DCHS2: variants seen among roughly 807,000 people sequenced by gnomAD.
DCHS2 encodes the protein protocadherin-23.
DCHS2 carries 142 observed loss-of-function variants against 182.4 expected under a neutral mutation model. The observed-to-expected ratio is 0.78, with a 90% CI of 0.68 to 0.89. The LOEUF is 0.89. Ranked by LOEUF, DCHS2 falls within the 40% of genes least tolerant of loss-of-function variation. The pLI is 0.00. For missense variants in DCHS2, 4,319 were observed against 4,198.6 expected (o/e 1.03, Z -0.79); for synonymous variants, 1,740 against 1,663.3 (o/e 1.05, Z -1.12).
At chr4:154,478,457 C>T (rs1419684109) in intron 1 of DCHS2, among the ~76,000 whole-genome samples, 1 of 152,070 alleles carries the variant, frequency 6.6e-6, no homozygotes, top group Non-Finnish European at 1.5e-5. Context: ...GAAGAATGGA[C>T]CTATATGGAG....
At chr4:154,313,717 T>G (rs1561034111) in intron 10 of DCHS2, among the ~76,000 whole-genome samples, 1 of 152,194 alleles carries the variant, frequency 6.6e-6, no homozygotes. Flanking sequence ...AACCACCTAC[T>G]TAACAGACCT....
At chr4:154,418,916 T>C (rs1246142794) in intron 1 of DCHS2, among the ~76,000 whole-genome samples, 1 of 152,226 alleles carries the variant, frequency 6.6e-6, no homozygotes, top group Non-Finnish European at 1.5e-5. Context: ...AATAAAGCTG[T>C]ATGCATAGAA....
chr4:154,259,532 A>T lies in DCHS2; in HGVS notation c.6789+13T>A. On this transcript the variant is annotated intron_variant, in intron 15 of 19. Coordinates refer to ENST00000357232, the MANE Select transcript of DCHS2 (RefSeq NM_001358235.2). ...CACACACACACACACACACACAAAT[A>T]TATTTCTGTTACCTGTATGACATGA... 6.2e-7 allele frequency: 1 copy of T among 1,612,772 alleles called. No individual in the cohort carries two copies. Among genetic ancestry groups the T allele is most frequent in the Non-Finnish European group, 8.5e-7 (1 of 1,179,724 alleles).
At chr4:154,453,259 C>T (rs1236685329) in intron 1 of DCHS2, among the ~76,000 whole-genome samples, 4 of 147,214 alleles carry the variant, frequency 2.7e-5, no homozygotes, top group Non-Finnish European at 4.4e-5. Context: ...CATAGTAATG[C>T]GACACTGCTG....
At chr4:154,330,426 C>G (rs182449385) in intron 5 of DCHS2, among the ~76,000 whole-genome samples, 30 of 152,196 alleles carry the variant, frequency 2.0e-4, no homozygotes, top group Admixed American at 1.8e-3. Context: ...GCTATACTAC[C>G]TTCAGTAACT....
intron 13 of DCHS2, among the ~76,000 whole-genome samples, chr4:154,293,159 A>G (rs6812671): frequency 3.3e-5 from 5 of 151,834 alleles, no homozygotes; most frequent in African/African-American, 9.7e-5. Context: ...TTCAACGATT[A>G]CCATTTAACT....
At chr4:154,378,321 G>A (rs1419033574) in intron 1 of DCHS2, among the ~76,000 whole-genome samples, 1 of 151,922 alleles carries the variant, frequency 6.6e-6, no homozygotes, top group Non-Finnish European at 1.5e-5. Flanking sequence ...CAAGCTCATA[G>A]GCTCATGATA....
Position 154,490,069 on chromosome 4 carries a change from G to A in DCHS2, c.1287C>T (p.Gly429=). 1 of 1,549,246 alleles carries A rather than the reference G, an allele frequency of 6.5e-7. No homozygotes were observed. Among genetic ancestry groups the A allele is most frequent in the African/African-American group, 1.4e-5 (1 of 73,092 alleles). The change falls in exon 1 of 20, where the codon GGC becomes GGT. Residue 429 remains glycine (G), a synonymous_variant. Coordinates refer to ENST00000357232, the MANE Select transcript of DCHS2 (RefSeq NM_001358235.2). ...TEGGVARVSE[G]ARPGDYVARV... is the part of the protein sequence containing the mutation. ...GAGCCACGTAGTCGCCCGGTCGGGC[G>A]CCTTCAGAGACACGGGCGACGCCTC...
At chr4:154,283,105 T>G (rs1578908748) in intron 13 of DCHS2, among the ~76,000 whole-genome samples, 1 of 152,176 alleles carries the variant, frequency 6.6e-6, no homozygotes. Flanking sequence ...TGTAACAATG[T>G]GCACACAGTT....
chr4:154,460,844 G>A (rs974230758), intron 1 of DCHS2, among the ~76,000 whole-genome samples: 4 of 152,004 alleles, frequency 2.6e-5, no homozygotes, highest in African/African-American at 9.7e-5. Flanking sequence ...TATATTATTT[G>A]GTTAAAACAA....
chr4:154,368,321 C>T (rs894772633), intron 2 of DCHS2, among the ~76,000 whole-genome samples: 1 of 152,114 alleles, frequency 6.6e-6, no homozygotes, highest in African/African-American at 2.4e-5. Context: ...CTTTCCCCTT[C>T]CTCTTTCTTT....
intron 3 of DCHS2, among the ~76,000 whole-genome samples, chr4:154,335,514 C>T (rs1728757037): frequency 2.6e-5 from 4 of 152,176 alleles, no homozygotes; most frequent in South Asian, 2.1e-4. Context: ...TCAAACTATA[C>T]GACTGGCTCT....
chr4:154,451,309 T>C (rs753354767), intron 1 of DCHS2, among the ~76,000 whole-genome samples: 5 of 152,202 alleles, frequency 3.3e-5, no homozygotes, highest in Admixed American at 6.5e-5. Context: ...TTTTGAGAAA[T>C]AGCCTTTGGC....
At position 154,308,834 on chromosome 4, in the gene DCHS2, G is replaced by A. The variant is rs551395785; in HGVS notation, c.5261-3603C>T. Among the ~76,000 whole-genome samples, 4 of 152,222 alleles carry A rather than the reference G, an allele frequency of 2.6e-5. No individual in the cohort carries two copies. The South Asian group carries it at 6.2e-4, about 24-fold the overall frequency. ...CTCATGGTGCTTACAATATAGCACC[G>A]GATACAGATAAGCAAGCTCGCAGTG... On this transcript the variant is annotated intron_variant, in intron 10 of 19. Transcript: ENST00000357232.
At chr4:154,391,402 C>A in intron 1 of DCHS2, 10 of 1,414,412 alleles carry the variant, frequency 7.1e-6, no homozygotes, top group Non-Finnish European at 9.3e-6. Flanking sequence ...CCATGACTTT[C>A]CACTTGCAGC....
At chr4:154,435,489 G>A (rs1166079868) in intron 1 of DCHS2, among the ~76,000 whole-genome samples, 1 of 151,862 alleles carries the variant, frequency 6.6e-6, no homozygotes, top group East Asian at 1.9e-4. Context: ...CCAGCTACTC[G>A]GGAGGCTGAG....
intron 1 of DCHS2, among the ~76,000 whole-genome samples, chr4:154,439,124 A>C (rs375354361): frequency 4.7e-4 from 72 of 152,332 alleles, no homozygotes; most frequent in African/African-American, 1.7e-3. Flanking sequence ...TTGACAATAC[A>C]TTTAATACAT....
intron 1 of DCHS2, among the ~76,000 whole-genome samples, chr4:154,432,715 C>G (rs533691783): frequency 6.6e-6 from 1 of 152,218 alleles, no homozygotes; most frequent in East Asian, 1.9e-4. Flanking sequence ...AGATCCAGTC[C>G]TAACCCTTCT....
chr4:154,362,694 C>T (rs1391592679), intron 3 of DCHS2, among the ~76,000 whole-genome samples: 5 of 152,106 alleles, frequency 3.3e-5, no homozygotes, highest in Non-Finnish European at 4.4e-5. Context: ...CCCTTTCCTC[C>T]GTCTCTACCA....
Sources: allele counts gnomAD v4.1 joint callset (sites outside exome capture counted in the v4.1 genomes callset), GRCh38; gene constraint gnomAD v4.1.1; transcripts MANE v1.5; gene names NCBI Gene and HGNC (gene_info 2026-07-23, HGNC 2026-07-21).